Variants in GRM8 observed in about 807,000 individuals in gnomAD.
The protein encoded by GRM8 is glutamate metabotropic receptor 8, also known as metabotropic glutamate receptor 8.
A neutral mutation model predicts 87.2 loss-of-function variants in GRM8; 47 were observed. The ratio of observed to expected loss-of-function variants is 0.54; its 90% CI spans 0.43 to 0.69. The LOEUF (loss-of-function observed/expected upper bound fraction) is 0.69. GRM8 is among the 30% of genes least tolerant of loss of function. The pLI is 0.00. For synonymous variants in GRM8, 396 were observed against 404.5 expected (o/e 0.98, Z 0.25); for missense variants, 1,019 against 1,139.2 (o/e 0.89, Z 1.52).
intron 9 of GRM8, among the ~76,000 whole-genome samples, chr7:126,451,835 C>T (rs1469344618): frequency 2.0e-5 from 3 of 151,716 alleles, no homozygotes; most frequent in African/African-American, 7.3e-5. Context: ...GAGACCTTTC[C>T]TGAACACACC....
intron 7 of GRM8, among the ~76,000 whole-genome samples, chr7:126,638,053 T>C (rs1277850079): frequency 6.6e-6 from 1 of 152,106 alleles, no homozygotes; most frequent in East Asian, 1.9e-4. Flanking sequence ...ATTTCGAAAA[T>C]AAATAAATAA....
At chr7:126,763,113 C>CT (rs149840861) in intron 7 of GRM8, among the ~76,000 whole-genome samples, 54,226 of 150,232 alleles carry the variant, frequency 0.36, 11,181 homozygotes, top group Non-Finnish European at 0.46. Context: ...CAACACCCCC[C>CT]CAATGAATCC....
intron 2 of GRM8, among the ~76,000 whole-genome samples, chr7:127,117,311 T>G (rs1208560102): frequency 6.6e-6 from 1 of 152,180 alleles, no homozygotes; most frequent in Non-Finnish European, 1.5e-5. Context: ...AGGTAATATA[T>G]ATTTTCTGCA....
intron 7 of GRM8, among the ~76,000 whole-genome samples, chr7:126,733,131 C>T (rs1181975585): frequency 6.6e-6 from 1 of 152,020 alleles, no homozygotes; most frequent in East Asian, 1.9e-4. Context: ...TGATTTACAT[C>T]ATGTTAGTCA....
At chr7:126,947,605 G>A (rs1475146370) in intron 3 of GRM8, among the ~76,000 whole-genome samples, 4 of 151,812 alleles carry the variant, frequency 2.6e-5, no homozygotes, top group Non-Finnish European at 5.9e-5. Context: ...TATATATGAA[G>A]TAAAGAGGCT....
At chr7:126,877,405 A>G (rs1179718786) in intron 6 of GRM8, among the ~76,000 whole-genome samples, 1 of 152,232 alleles carries the variant, frequency 6.6e-6, no homozygotes, top group Non-Finnish European at 1.5e-5. Flanking sequence ...TTAAAATTAA[A>G]TAGAATAAAA....
At chr7:126,950,484 T>C (rs1808018475) in intron 3 of GRM8, among the ~76,000 whole-genome samples, 1 of 152,190 alleles carries the variant, frequency 6.6e-6, no homozygotes, top group Admixed American at 6.5e-5. Context: ...TCATTTTATT[T>C]TTATCTATTT....
rs1432436637 is a variant in GRM8 at position 126,951,108 on chromosome 7, G to A, written c.728-46425C>T. Among the ~76,000 whole-genome samples the A allele has an allele frequency of 2.0e-5, 3 of 152,038 alleles. No individual in the cohort carries two copies. In the East Asian group the frequency reaches 5.8e-4, roughly 29 times the overall value. On this transcript the variant is annotated intron_variant, in intron 3 of 10. Coordinates refer to ENST00000339582, the MANE Select transcript of GRM8 (RefSeq NM_000845.3). ...TGAAGATCTCTTTGAATTGTTACAGGCTAACTTCCAGGATGTACTGTTAAG... is the reference window on the plus strand; with the variant it reads ...TGAAGATCTCTTTGAATTGTTACAGACTAACTTCCAGGATGTACTGTTAAG...
chr7:126,685,001 A>C lies in GRM8; in HGVS notation c.1358-75503T>G, dbSNP rs1163849065. On this transcript the variant is annotated intron_variant, in intron 7 of 10. Coordinates refer to ENST00000339582, the MANE Select transcript of GRM8 (RefSeq NM_000845.3). This position sits in a 1 kb window ranked among gnomAD's most constrained non-coding sequence, Gnocchi z 4.2. The stretch of plus-strand genomic sequence containing the variant: ...ACAGCAAGGAGGCACAAGTGGTAGC[A>C]GCAGGAGAGGCTGCAGGGCAGCAGT... Among the ~76,000 whole-genome samples, 1 of 152,164 alleles carries C rather than the reference A, an allele frequency of 6.6e-6. No individual in the cohort carries two copies. The highest frequency in any genetic ancestry group is 2.4e-5 in the African/African-American group (1 of 41,440).
chr7:127,031,709 T>C (rs1817384824), intron 3 of GRM8, among the ~76,000 whole-genome samples: 1 of 152,192 alleles, frequency 6.6e-6, no homozygotes, highest in Admixed American at 6.5e-5. Flanking sequence ...CATCGAGTTA[T>C]CTGCTAAAGC....
At chr7:126,523,556 C>A (rs993755222) in intron 9 of GRM8, among the ~76,000 whole-genome samples, 1 of 150,238 alleles carries the variant, frequency 6.7e-6, no homozygotes, top group East Asian at 2.0e-4. Context: ...GAGTGCAGTG[C>A]GCATAATCTC....
chr7:127,219,371 A>G (rs1362406075), intron 2 of GRM8: 1 of 152,214 alleles, frequency 6.6e-6, no homozygotes, highest in Admixed American at 6.5e-5. Context: ...ATTTTTACTA[A>G]ATCTTCTAAG....
At chr7:126,804,604 T>A (rs62470212) in intron 6 of GRM8, among the ~76,000 whole-genome samples, 2 of 152,164 alleles carry the variant, frequency 1.3e-5, no homozygotes, top group Admixed American at 1.3e-4. Context: ...CTAGTTATAA[T>A]TCCACTTCAA....
chr7:126,506,741 T>C (rs1810531168), intron 9 of GRM8, among the ~76,000 whole-genome samples: 1 of 151,428 alleles, frequency 6.6e-6, no homozygotes, highest in African/African-American at 2.4e-5. Flanking sequence ...ATCACACCAG[T>C]GCACTCTAGC....
In GRM8 at chr7:126,945,388, G is replaced by A. The variant is rs930539173; in HGVS notation, c.728-40705C>T. Among the ~76,000 whole-genome samples, 5 of 152,200 alleles carry A rather than the reference G, an allele frequency of 3.3e-5. No homozygotes were observed. In the East Asian group the frequency reaches 7.7e-4, roughly 23 times the overall value. On this transcript the variant is annotated intron_variant, in intron 3 of 10. Coordinates refer to ENST00000339582, the MANE Select transcript of GRM8 (RefSeq NM_000845.3). ...TTTAAAACATTATTTTATACAGGTTGAGCATCCCTAATCTGAAAGTTTGAA... is the reference window on the plus strand; with the variant it reads ...TTTAAAACATTATTTTATACAGGTTAAGCATCCCTAATCTGAAAGTTTGAA...
At chr7:126,605,314 T>C (rs2106309) in intron 8 of GRM8, among the ~76,000 whole-genome samples, 48,837 of 152,106 alleles carry the variant, frequency 0.32, 8,470 homozygotes, top group East Asian at 0.44. Context: ...AGACAATACA[T>C]GCCTCATGTG....
intron 7 of GRM8, among the ~76,000 whole-genome samples, chr7:126,623,302 A>T (rs1000648989): frequency 6.6e-6 from 1 of 152,152 alleles, no homozygotes; most frequent in Non-Finnish European, 1.5e-5. Flanking sequence ...AAAAGTCTAA[A>T]TTTTTTTAAT....
intron 3 of GRM8, among the ~76,000 whole-genome samples, chr7:127,044,700 C>A (rs1231328569): frequency 6.6e-6 from 1 of 151,988 alleles, no homozygotes; most frequent in Non-Finnish European, 1.5e-5. Context: ...AGGCTGAGGG[C>A]AATATAATGA....
At chr7:127,140,456 A>G (rs1187414139) in intron 2 of GRM8, among the ~76,000 whole-genome samples, 2 of 152,142 alleles carry the variant, frequency 1.3e-5, no homozygotes, top group Non-Finnish European at 2.9e-5. Flanking sequence ...CTACACTACA[A>G]TGTAACTATT....
Sources: allele counts gnomAD v4.1 joint callset (sites outside exome capture counted in the v4.1 genomes callset), GRCh38; gene constraint gnomAD v4.1.1; non-coding constraint Gnocchi (gnomAD v3.1); transcripts MANE v1.5; gene names NCBI Gene and HGNC (gene_info 2026-07-23, HGNC 2026-07-21).